Variants in NECAB1 observed in about 807,000 individuals in gnomAD.
The protein encoded by NECAB1 is N-terminal EF-hand calcium-binding protein 1.
NECAB1 carries 29 observed loss-of-function variants against 57.5 expected under a neutral mutation model. That is an observed-to-expected ratio of 0.50 (90% CI 0.38 to 0.69). The LOEUF is 0.69. Among genes scored for constraint, NECAB1 ranks in the 30% least tolerant of loss-of-function variants. NECAB1 has a pLI of 0.00. For synonymous variants in NECAB1, 142 were observed against 147.7 expected (o/e 0.96, Z 0.28); for missense variants, 372 against 413.8 (o/e 0.90, Z 0.88).
At chr8:90,853,494 GA>G in intron 3 of NECAB1, among the ~76,000 whole-genome samples, 1 of 152,258 alleles carries the variant, frequency 6.6e-6, no homozygotes, top group African/African-American at 2.4e-5. Context: ...CTGAACTTGA[GA>G]ATGATTGAGT....
rs1219540873 is a variant in NECAB1 at position 90,954,745 on chromosome 8, AAT to A, written c.1031-737_1031-736del. On this transcript the variant is annotated intron_variant, in intron 12 of 12. Coordinates refer to ENST00000417640, the MANE Select transcript of NECAB1 (RefSeq NM_022351.5). ...ATATTTATGAGATCCTATGTGTATA[AAT>A]ATATGGTATTTATAAATATCATATA... is the stretch of plus-strand genomic sequence containing the variant. Among the ~76,000 whole-genome samples, 3 of 150,854 alleles carry A rather than the reference AAT, an allele frequency of 2.0e-5. No individual in the cohort carries two copies. In the East Asian group the frequency reaches 5.8e-4, roughly 29 times the overall value.
At chr8:90,861,512 A>G (rs1437491345) in intron 3 of NECAB1, among the ~76,000 whole-genome samples, 1 of 152,188 alleles carries the variant, frequency 6.6e-6, no homozygotes, top group African/African-American at 2.4e-5. Context: ...GATGAAAAGT[A>G]ATCAATTCCA....
chr8:90,951,242 T>C, intron 12 of NECAB1, 38 bp downstream of exon 12: 1 of 1,237,730 alleles, frequency 8.1e-7, no homozygotes, highest in Non-Finnish European at 1.1e-6. Context: ...TGTGTCCTTT[T>C]GTATTTTTGT....
chr8:90,952,023 A>C (rs1332429516), intron 12 of NECAB1, among the ~76,000 whole-genome samples: 1 of 152,198 alleles, frequency 6.6e-6, no homozygotes, highest in African/African-American at 2.4e-5. Flanking sequence ...TTACAGTACA[A>C]GTGGAGACAG....
At chr8:90,813,218 T>A (rs1043827673) in intron 2 of NECAB1, 4 of 90,852 alleles carry the variant, frequency 4.4e-5, no homozygotes, top group East Asian at 1.0e-3. Flanking sequence ...TAAATAAATA[T>A]ATATATATGT....
intron 4 of NECAB1, among the ~76,000 whole-genome samples, chr8:90,877,750 C>T (rs1223892356): frequency 6.6e-6 from 1 of 152,184 alleles, no homozygotes; most frequent in Non-Finnish European, 1.5e-5. Context: ...CAAAGAGCAT[C>T]TGGCAAGGAC....
chr8:90,841,877 G>A (rs1812462301), intron 3 of NECAB1, among the ~76,000 whole-genome samples: 1 of 152,204 alleles, frequency 6.6e-6, no homozygotes, highest in Non-Finnish European at 1.5e-5. Flanking sequence ...ACAGTCAGGA[G>A]CCCATGCAGT....
At chr8:90,867,973 G>C (rs932217332) in intron 3 of NECAB1, among the ~76,000 whole-genome samples, 2 of 152,192 alleles carry the variant, frequency 1.3e-5, no homozygotes, top group Non-Finnish European at 2.9e-5. Flanking sequence ...CTGGGGAGAG[G>C]TGATTGGATC....
intron 3 of NECAB1, among the ~76,000 whole-genome samples, chr8:90,864,699 T>C (rs1054835372): frequency 6.6e-6 from 1 of 152,098 alleles, no homozygotes; most frequent in Non-Finnish European, 1.5e-5. Flanking sequence ...TACCCCTCTC[T>C]CCCATCATTT....
At chr8:90,800,978 G>A (rs898089292) in intron 1 of NECAB1, among the ~76,000 whole-genome samples, 1 of 152,046 alleles carries the variant, frequency 6.6e-6, no homozygotes, top group Non-Finnish European at 1.5e-5. Flanking sequence ...TATACATCAA[G>A]ACAATTTAAA....
chr8:90,915,812 C>T (rs1382771411), intron 5 of NECAB1, among the ~76,000 whole-genome samples: 2 of 152,178 alleles, frequency 1.3e-5, no homozygotes, highest in Non-Finnish European at 2.9e-5. Context: ...TGGCAAACTA[C>T]TGGTGTAAGT....
In NECAB1 at chr8:90,808,640, C is replaced by CTTTTTTTT. The variant is rs200075536; in HGVS notation, c.124+6941_124+6948dup. 1.4e-3 allele frequency among the ~76,000 whole-genome samples: 115 copies of CTTTTTTTT among 81,278 alleles called. 1 individual carries two copies. Among genetic ancestry groups the CTTTTTTTT allele is most frequent in the African/African-American group, 3.4e-3 (65 of 19,154 alleles). 53.3% of individuals were successfully genotyped at this position (81,278 alleles called of 152,430 possible). ...TTCATCCTAATCCTTTTTTTCTTTTCTTTTTTTTTTTTTTTTTTTTTTTGA... is the reference window on the plus strand; with the variant it reads ...TTCATCCTAATCCTTTTTTTCTTTTCTTTTTTTTTTTTTTTTTTTTTTTTTTTTTTTGA... On this transcript the variant is annotated intron_variant, in intron 2 of 12. Coordinates refer to ENST00000417640, the MANE Select transcript of NECAB1 (RefSeq NM_022351.5).
chr8:90,891,446 C>A (rs763542370), intron 5 of NECAB1, among the ~76,000 whole-genome samples: 3 of 151,774 alleles, frequency 2.0e-5, no homozygotes, highest in Admixed American at 6.6e-5. Context: ...ACATATTATG[C>A]CATTTTGTGT....
chr8:90,951,806 A>G (rs1810928823), intron 12 of NECAB1, among the ~76,000 whole-genome samples: 1 of 151,978 alleles, frequency 6.6e-6, no homozygotes, highest in Admixed American at 6.6e-5. Context: ...AGCTGTCACC[A>G]TTAGAGATAA....
chr8:90,867,213 G>T (rs954645875), intron 3 of NECAB1, among the ~76,000 whole-genome samples: 3 of 152,178 alleles, frequency 2.0e-5, no homozygotes, highest in Non-Finnish European at 2.9e-5. Context: ...ATGTCATGCA[G>T]ATTATTCTAA....
intron 5 of NECAB1, among the ~76,000 whole-genome samples, chr8:90,901,858 T>C (rs759029210): frequency 2.6e-5 from 4 of 152,158 alleles, no homozygotes; most frequent in Non-Finnish European, 5.9e-5. Flanking sequence ...ACCCTATCTA[T>C]ATTTAGTGTT....
intron 9 of NECAB1, among the ~76,000 whole-genome samples, chr8:90,939,047 C>T (rs1426228097): frequency 6.6e-6 from 1 of 152,104 alleles, no homozygotes; most frequent in Non-Finnish European, 1.5e-5. Context: ...TACAGCATAC[C>T]TCTTGTTTTT....
At chr8:90,868,827 G>C (rs1052343637) in intron 3 of NECAB1, among the ~76,000 whole-genome samples, 4 of 152,246 alleles carry the variant, frequency 2.6e-5, no homozygotes. Flanking sequence ...GCAGGAATTT[G>C]CATAAGTATA....
intron 3 of NECAB1, among the ~76,000 whole-genome samples, chr8:90,827,387 G>A (rs1812242270): frequency 6.6e-6 from 1 of 151,992 alleles, no homozygotes; most frequent in South Asian, 2.1e-4. Flanking sequence ...AACATTTGCT[G>A]CTGAGGCCCC....
Sources: gnomAD v4.1 joint callset for allele counts (sites outside exome capture counted in the v4.1 genomes callset) on GRCh38, gnomAD v4.1.1 for gene constraint, MANE v1.5 for transcripts, NCBI Gene and HGNC (gene_info 2026-07-23, HGNC 2026-07-21) for gene names.